The following GARS1 variants were observed in gnomAD, a reference collection of about 807,000 sequenced individuals.
The protein encoded by GARS1 is glycine--tRNA ligase.
Under a neutral mutation model 86.4 loss-of-function variants are expected in GARS1, and 46 were observed. The ratio of observed to expected loss-of-function variants is 0.53; its 90% CI spans 0.42 to 0.68. GARS1 has a LOEUF of 0.68. Among genes scored for constraint, GARS1 ranks in the 30% least tolerant of loss-of-function variants. GARS1 has a pLI of 0.00. For missense variants in GARS1, 797 were observed against 915.6 expected, an observed-to-expected ratio of 0.87 and a Z score of 1.67; for synonymous variants, 342 against 329.8, an observed-to-expected ratio of 1.04 and a Z score of -0.40.
At chr7:30,614,812 C>G (rs1782856792) in intron 8 of GARS1, among the ~76,000 whole-genome samples, 1 of 148,830 alleles carries the variant, frequency 6.7e-6, no homozygotes, top group Non-Finnish European at 1.5e-5. Context: ...GGAGGCGGAG[C>G]TTGCAGTGAG....
chr7:30,596,561 G>C (rs1014332477), intron 1 of GARS1, among the ~76,000 whole-genome samples: 1 of 151,800 alleles, frequency 6.6e-6, no homozygotes, highest in African/African-American at 2.4e-5. Flanking sequence ...ATCATCCATC[G>C]GTAGTTAAGA....
chr7:30,621,345 A>G (rs768576358), intron 10 of GARS1, 48 bp from the exon 11 acceptor site: 15 of 1,461,102 alleles, frequency 1.0e-5, no homozygotes, highest in South Asian at 1.1e-5. Flanking sequence ...TGAACCCAAT[A>G]TAAGTAATAA....
intron 8 of GARS1, among the ~76,000 whole-genome samples, chr7:30,612,665 A>C (rs946594991): frequency 6.6e-6 from 1 of 152,148 alleles, no homozygotes; most frequent in Non-Finnish European, 1.5e-5. Flanking sequence ...AGGGCAGACA[A>C]CATTGCTGAA....
At chr7:30,596,640 G>A (rs1352928152) in intron 1 of GARS1, among the ~76,000 whole-genome samples, 4 of 152,214 alleles carry the variant, frequency 2.6e-5, no homozygotes, top group Admixed American at 2.6e-4. Context: ...ACTGTCTTGT[G>A]TATTGTTTAT....
intron 4 of GARS1, among the ~76,000 whole-genome samples, chr7:30,602,328 C>T (rs1293229586): frequency 6.6e-5 from 10 of 152,304 alleles, no homozygotes; most frequent in African/African-American, 2.2e-4. Context: ...CCGCCTGCCT[C>T]GGCCTCCCAA....
Position 30,594,986 on chromosome 7 carries a change from C to G in GARS1, c.65C>G (p.Pro22Arg), listed in dbSNP as rs1422197708. 1 of 1,594,090 alleles carries G rather than the reference C, an allele frequency of 6.3e-7. No homozygotes were observed. Among genetic ancestry groups the G allele is most frequent in the African/African-American group, 1.3e-5 (1 of 74,828 alleles). Residue 22 changes from proline (P) to arginine (R), a missense_variant, in exon 1 of 17, where the codon CCC (proline) becomes CGC (arginine). Coordinates refer to ENST00000389266, the MANE Select transcript of GARS1 (RefSeq NM_002047.4). The part of the protein sequence containing the change: ...ARAALLLLLP[P>R]RLLARPSLLL... ...GCCGCTCTGCTGCTGCTGCTGCCGC[C>G]CCGGCTCTTAGCCCGACCCTCGCTC...
intron 10 of GARS1, among the ~76,000 whole-genome samples, chr7:30,620,663 G>A (rs1023334722): frequency 6.6e-6 from 1 of 152,196 alleles, no homozygotes; most frequent in Non-Finnish European, 1.5e-5. Context: ...TGGCATCAAT[G>A]TGATCATAAT....
chr7:30,616,893 G>T (rs983478329), intron 9 of GARS1, among the ~76,000 whole-genome samples: 13 of 152,104 alleles, frequency 8.5e-5, no homozygotes, highest in Admixed American at 5.2e-4. Flanking sequence ...GACAGATTTT[G>T]AATAACTCCA....
rs762966640 is a variant in GARS1, at chr7:30,628,547, A to G, written c.1700-13A>G. 87 of 1,556,852 alleles carry G rather than the reference A, an allele frequency of 5.6e-5. 1 individual carries two copies. The Middle Eastern group carries it at 6.7e-4, about 12-fold the overall frequency. ...TTTGAGAGAATGTTATTGAATTTCT[A>G]TCTCTTTTTCAGTGGAAGAAGTTGT... On this transcript the variant is annotated splice_polypyrimidine_tract_variant and intron_variant, in intron 13 of 16. Transcript: ENST00000389266.
In GARS1 at chr7:30,632,385, C is replaced by T. The variant is rs879254346; in HGVS notation, c.2042C>T (p.Pro681Leu). The T allele has an allele frequency of 1.6e-5, 26 of 1,614,028 alleles. No individual in the cohort carries two copies. The highest frequency in any genetic ancestry group is 2.2e-5 in the Non-Finnish European group (26 of 1,180,032). Reference sequence around the variant, plus strand: ...GACTTTGACACAGTGAACAAGACCCCCCACACTGCAACTCTGAGGGACCGT... The same window carrying T: ...GACTTTGACACAGTGAACAAGACCCTCCACACTGCAACTCTGAGGGACCGT... ...TIDFDTVNKT[P>L]HTATLRDRDS... Residue 681 changes from proline (P) to leucine (L), a missense_variant, in exon 16 of 17, where the codon CCC becomes CTC. By Grantham distance (98) the Pro-to-Leu change is moderately conservative. Transcript: ENST00000389266. This position sits in a 1 kb window ranked among gnomAD's most constrained non-coding sequence, Gnocchi z 4.1.
At chr7:30,595,622 T>C (rs928420415) in intron 1 of GARS1, among the ~76,000 whole-genome samples, 16 of 152,236 alleles carry the variant, frequency 1.1e-4, no homozygotes, top group African/African-American at 3.4e-4. Flanking sequence ...TTCTTTCGTC[T>C]TACGGCCAGG....
At chr7:30,603,619 C>T (rs777484953) in intron 6 of GARS1, 47 bp downstream of exon 6, 1 of 1,356,306 alleles carries the variant, frequency 7.4e-7, no homozygotes. Flanking sequence ...TGGTCGCTGT[C>T]CTTCTTTCAG....
intron 13 of GARS1, among the ~76,000 whole-genome samples, chr7:30,626,809 C>T (rs1219335216): frequency 6.6e-6 from 1 of 152,088 alleles, no homozygotes; most frequent in Admixed American, 6.5e-5. Flanking sequence ...GGTGAAACCC[C>T]GTCTCTACTA....
In GARS1 at chr7:30,618,559, G is replaced by A. The variant is rs542194739; in HGVS notation, c.1359+1281G>A. Reference sequence around the variant, plus strand: ...TGAGGTGGGAAGATCACATGAGCCCGGGAGGTTGAGGCTGTAGTGAGCCAT... The same window carrying A: ...TGAGGTGGGAAGATCACATGAGCCCAGGAGGTTGAGGCTGTAGTGAGCCAT... On this transcript the variant is annotated intron_variant, in intron 10 of 16. Transcript: ENST00000389266. Among the ~76,000 whole-genome samples, 10 of 152,240 alleles carry A rather than the reference G, an allele frequency of 6.6e-5. No homozygotes were observed. In the East Asian group the frequency reaches 1.4e-3, roughly 21 times the overall value.
At chr7:30,618,648 A>G (rs1267566026) in intron 10 of GARS1, among the ~76,000 whole-genome samples, 3 of 152,182 alleles carry the variant, frequency 2.0e-5, no homozygotes, top group African/African-American at 7.2e-5. Context: ...AAACAGACGA[A>G]AAAAGATCAT....
chr7:30,619,781 T>C (rs532789830), intron 10 of GARS1, among the ~76,000 whole-genome samples: 41 of 138,948 alleles, frequency 3.0e-4, no homozygotes, highest in Non-Finnish European at 4.7e-4. Flanking sequence ...TTTTTCTTTT[T>C]TTTTTTTTTT....
Position 30,622,378 on chromosome 7 carries a change from A to G in GARS1, c.1529A>G (p.Lys510Arg), listed in dbSNP as rs767720657. ...SKGAIGKAYK[K>R]DAKLVMEYLA... ...GGAGCAATTGGTAAGGCATATAAGA[A>G]GGATGCAAAACTGGTGATGGAGTAT... Residue 510 changes from lysine (K) to arginine (R), a missense_variant, in exon 12 of 17, where the codon AAG (lysine) becomes AGG (arginine). By Grantham distance (26) the Lys-to-Arg change is conservative. Around this residue, in one of 2 missense-constraint regions of GARS1, gnomAD observed 598 missense variants for 738.7 expected, o/e 0.81. Coordinates refer to ENST00000389266, the MANE Select transcript of GARS1 (RefSeq NM_002047.4). The G allele has an allele frequency of 1.9e-6, 3 of 1,614,032 alleles. No homozygotes were observed. The highest frequency in any genetic ancestry group is 4.5e-5 in the East Asian group (2 of 44,878).
chr7:30,598,377 C>CT lies in GARS1; in HGVS notation c.223-396dup, dbSNP rs1174085518. Among the ~76,000 whole-genome samples the CT allele has an allele frequency of 9.2e-3, 918 of 99,550 alleles. 2 individuals are homozygous for CT. Among genetic ancestry groups the CT allele is most frequent in the Middle Eastern group, 0.014 (2 of 146 alleles). The allele number at this position is 99,550 out of a possible 152,430, so 65.3% of individuals were successfully genotyped here. On this transcript the variant is annotated intron_variant, in intron 1 of 16. Transcript: ENST00000389266. ...TAATAAACATTTGAATTGCATCATT[C>CT]TTTTTTTTTTTTTTTTTTTTTTTCA...
intron 8 of GARS1, among the ~76,000 whole-genome samples, chr7:30,612,541 TA>T (rs761065392): frequency 5.6e-5 from 8 of 143,370 alleles, no homozygotes; most frequent in Non-Finnish European, 1.2e-4. Context: ...TTGAGGATGG[TA>T]ATATCTTGAT....
Sources: allele counts gnomAD v4.1 joint callset (sites outside exome capture counted in the v4.1 genomes callset), GRCh38; gene constraint gnomAD v4.1.1; regional missense constraint gnomAD v4.1.1; non-coding constraint Gnocchi (gnomAD v3.1); transcripts MANE v1.5; gene names NCBI Gene and HGNC (gene_info 2026-07-23, HGNC 2026-07-21).